Variants in MACF1 observed in about 807,000 individuals in gnomAD.
The protein encoded by MACF1 is microtubule actin crosslinking factor 1, also known as microtubule-actin cross-linking factor 1.
Under a neutral mutation model 854.8 loss-of-function variants are expected in MACF1, and 193 were observed. That is an observed-to-expected ratio of 0.23 (90% CI 0.20 to 0.25). The LOEUF (loss-of-function observed/expected upper bound fraction) is 0.25, where lower values mean the gene tolerates loss of function less well. MACF1 is among the 10% of genes least tolerant of loss of function. MACF1 has a pLI of 1.00. For missense variants in MACF1, 7,722 were observed against 8,929.1 expected (o/e 0.86, Z 5.45); for synonymous variants, 3,185 against 3,226.7 (o/e 0.99, Z 0.44).
At chr1:39,418,028 A>G (rs937447992) in intron 58 of MACF1, among the ~76,000 whole-genome samples, 8 of 152,222 alleles carry the variant, frequency 5.3e-5, no homozygotes, top group African/African-American at 1.9e-4. Context: ...AAATAAATAC[A>G]TAGTTAGAAA....
rs529607655 is a variant in MACF1, at chr1:39,314,198, CA to C, written c.3271-1314del. Among the ~76,000 whole-genome samples, 27 of 152,270 alleles carry C rather than the reference CA, an allele frequency of 1.8e-4. No individual in the cohort carries two copies. The East Asian group carries it at 4.8e-3, about 27-fold the overall frequency. The stretch of plus-strand genomic sequence containing the variant: ...CCAAGGCAGGTGGATCACCTGAGGT[CA>C]GGAGTTGGAGACCAGCCTGGCCAAC... On this transcript the variant is annotated intron_variant, in intron 26 of 100. Coordinates refer to ENST00000564288, the MANE Select transcript of MACF1 (RefSeq NM_001394062.1).
intron 36 of MACF1, among the ~76,000 whole-genome samples, chr1:39,329,735 A>G (rs1443331009): frequency 2.0e-5 from 3 of 152,230 alleles, no homozygotes; most frequent in Non-Finnish European, 1.5e-5. Flanking sequence ...AAACACTTAA[A>G]TAATTTAAAA....
intron 38 of MACF1, among the ~76,000 whole-genome samples, chr1:39,339,498 T>G (rs183992665): frequency 1.3e-5 from 2 of 152,208 alleles, no homozygotes; most frequent in African/African-American, 4.8e-5. Flanking sequence ...TTTGAACAGT[T>G]TCAGTGGAGT....
At chr1:39,281,890 A>T (rs1482188523) in intron 6 of MACF1, among the ~76,000 whole-genome samples, 5 of 152,232 alleles carry the variant, frequency 3.3e-5, no homozygotes, top group African/African-American at 1.2e-4. Context: ...CAAAACTGAC[A>T]TCCAGAGAAG....
rs139771253 is a variant in MACF1 at position 39,329,071 on chromosome 1, A to G, written c.4614+1718A>G. ...TATCTTGAAATTTTTCAGTTATCAC[A>G]TTCCAGTGAACTTTTTCCTTCAATT... is the stretch of plus-strand genomic sequence containing the variant. On this transcript the variant is annotated intron_variant, in intron 36 of 100. Transcript: ENST00000564288. Among the ~76,000 whole-genome samples the G allele has an allele frequency of 4.2e-3, 637 of 152,334 alleles. 8 individuals are homozygous for G. The highest frequency in any genetic ancestry group is 0.014 in the African/African-American group (598 of 41,578).
rs938130539 is a variant in MACF1, at chr1:39,204,794, C to G, written c.-229C>G. ...CCCCGCTGGCCAGTTGTTTCCTGGG[C>G]TTTGTCTGAGATACACTGTACAGTT... On this transcript the variant is annotated 5_prime_UTR_variant, in exon 1 of 101. Coordinates refer to ENST00000564288, the MANE Select transcript of MACF1 (RefSeq NM_001394062.1). The G allele has an allele frequency of 3.0e-5, 14 of 462,244 alleles. No homozygotes were observed. Among genetic ancestry groups the G allele is most frequent in the African/African-American group, 9.9e-5 (5 of 50,680 alleles). 28.6% of individuals were successfully genotyped at this position (462,244 alleles called of 1,614,324 possible).
intron 6 of MACF1, chr1:39,268,990 GGGTAGTCGATCGGGGGAT>G: frequency 7.8e-7 from 1 of 1,287,198 alleles, no homozygotes; most frequent in Non-Finnish European, 1.0e-6. Context: ...CCCAACTCAC[GGGTAGTCGATCGGGGGAT>G]GATAGTACAG....
At chr1:39,260,434 G>A (rs1645149110) in intron 6 of MACF1, 1 of 149,572 alleles carries the variant, frequency 6.7e-6, no homozygotes, top group Non-Finnish European at 1.5e-5. Flanking sequence ...GCACCATCTC[G>A]GCTTACCAAA....
At chr1:39,305,585 A>G (rs1290713894) in intron 23 of MACF1, among the ~76,000 whole-genome samples, 7 of 152,210 alleles carry the variant, frequency 4.6e-5, no homozygotes, top group South Asian at 2.1e-4. Context: ...CCGTTTTCCA[A>G]ATGTGGTTAT....
At chr1:39,473,568 A>G (rs972333888) in intron 97 of MACF1, among the ~76,000 whole-genome samples, 1 of 152,172 alleles carries the variant, frequency 6.6e-6, no homozygotes, top group African/African-American at 2.4e-5. Context: ...AGTGAGCCCC[A>G]CTGGCCACTG....
At chr1:39,114,669 G>A (rs1642501789) in intron 2 of MACF1, among the ~76,000 whole-genome samples, 1 of 152,188 alleles carries the variant, frequency 6.6e-6, no homozygotes, top group Non-Finnish European at 1.5e-5. Context: ...GGGAGTAGGT[G>A]ATGTGCTGAG....
At chr1:39,411,705 A>C (rs1557638606) in intron 58 of MACF1, 2 of 1,613,836 alleles carry the variant, frequency 1.2e-6, no homozygotes, top group Non-Finnish European at 1.7e-6. Context: ...AAGAAGGAGT[A>C]ACTCCTCTAG....
At chr1:39,110,443 G>A (rs1390933723) in intron 2 of MACF1, among the ~76,000 whole-genome samples, 1 of 151,320 alleles carries the variant, frequency 6.6e-6, no homozygotes, top group Non-Finnish European at 1.5e-5. Context: ...TCACTATGTT[G>A]CCCAGGCTGG....
At position 39,332,416 on chromosome 1, in the gene MACF1, C is replaced by T; in HGVS notation, c.5828C>T (p.Ala1943Val). Reference sequence around the variant, plus strand: ...GCAGAACAAAATATTAATCCTGGAGCAGCAGTTCTACCGTGCAGCAAGAGC... The same window carrying T: ...GCAGAACAAAATATTAATCCTGGAGTAGCAGTTCTACCGTGCAGCAAGAGC... The part of the protein sequence containing the change: ...DSAEQNINPG[A>V]AVLPCSKSHP... The change falls in exon 37 of 101, where the codon GCA becomes GTA. Residue 1943 changes from alanine (A) to valine (V), a missense_variant. Transcript: ENST00000564288. 1 of 1,614,026 alleles carries T rather than the reference C, an allele frequency of 6.2e-7. No individual in the cohort carries two copies. Among genetic ancestry groups the T allele is most frequent in the Non-Finnish European group, 8.5e-7 (1 of 1,180,022 alleles).
intron 20 of MACF1, among the ~76,000 whole-genome samples, chr1:39,296,346 G>A (rs188927812): frequency 7.9e-5 from 12 of 152,198 alleles, no homozygotes; most frequent in African/African-American, 2.4e-4. Flanking sequence ...TGGCTTCAAG[G>A]TGAGGAGAAA....
Position 39,387,182 on chromosome 1 carries a change from T to G in MACF1, c.14345-5T>G. On this transcript the variant is annotated splice_polypyrimidine_tract_variant and splice_region_variant and intron_variant, in intron 57 of 100. Transcript: ENST00000564288. ...ATTGATTTCAATTTTATTTTCTCAT[T>G]TCAGCCGATCGCATTAACAGACTCC... 6.2e-7 allele frequency: 1 copy of G among 1,608,678 alleles called. No homozygotes were observed. The highest frequency in any genetic ancestry group is 8.5e-7 in the Non-Finnish European group (1 of 1,177,422).
intron 20 of MACF1, among the ~76,000 whole-genome samples, chr1:39,296,465 C>A (rs773050258): frequency 1.4e-4 from 22 of 151,856 alleles, no homozygotes; most frequent in Non-Finnish European, 3.2e-4. Flanking sequence ...CACCATGGCT[C>A]ACACCTGTAG....
rs1400664590 is a variant in MACF1, at chr1:39,429,821, C to T, written c.16889-6C>T. On this transcript the variant is annotated splice_region_variant and splice_polypyrimidine_tract_variant and intron_variant, in intron 64 of 100. Transcript: ENST00000564288. ...AATATGAGTAATTGTGTGCTATCTT[C>T]CATAGGTGAGGAGGTGTTACTTATC... The T allele has an allele frequency of 6.2e-7, 1 of 1,613,578 alleles. No homozygotes were observed. The highest frequency in any genetic ancestry group is 8.5e-7 in the Non-Finnish European group (1 of 1,179,748).
At chr1:39,287,993 A>G (rs1319452212) in intron 15 of MACF1, among the ~76,000 whole-genome samples, 1 of 152,078 alleles carries the variant, frequency 6.6e-6, no homozygotes, top group Non-Finnish European at 1.5e-5. Flanking sequence ...GAAAATTGCA[A>G]TGTCTTTACA....
Sources: gnomAD v4.1 joint callset for allele counts (sites outside exome capture counted in the v4.1 genomes callset) on GRCh38, gnomAD v4.1.1 for gene constraint, MANE v1.5 for transcripts, NCBI Gene and HGNC (gene_info 2026-07-23, HGNC 2026-07-21) for gene names.